Variants in TMPRSS2 observed in about 807,000 individuals in gnomAD.
TMPRSS2 encodes transmembrane serine protease 2.
A neutral mutation model predicts 67.4 loss-of-function variants in TMPRSS2; 59 were observed. The ratio of observed to expected loss-of-function variants is 0.88; its 90% CI spans 0.71 to 1.09. The LOEUF (loss-of-function observed/expected upper bound fraction) is 1.09, where lower values mean the gene tolerates loss of function less well. Ranked by LOEUF, TMPRSS2 falls within the 50% of genes least tolerant of loss-of-function variation. The probability of loss-of-function intolerance (pLI) is 0.00; values close to 1 mark genes in which losing one functional copy is unlikely to be tolerated. For synonymous variants in TMPRSS2, 257 were observed against 257.0 expected (o/e 1.00, Z 0.00); for missense variants, 668 against 642.7 (o/e 1.04, Z -0.43).
chr21:41,477,663 T>C (rs916832339), intron 7 of TMPRSS2, among the ~76,000 whole-genome samples: 5 of 152,030 alleles, frequency 3.3e-5, no homozygotes, highest in African/African-American at 1.2e-4. Flanking sequence ...GCATTCCAGG[T>C]GGACTCTGGC....
chr21:41,469,113 C>G (rs1445013063), intron 11 of TMPRSS2, among the ~76,000 whole-genome samples: 1 of 152,104 alleles, frequency 6.6e-6, no homozygotes, highest in Non-Finnish European at 1.5e-5. Flanking sequence ...CTCCGTCACA[C>G]CTTCTCCCAC....
Position 41,488,468 on chromosome 21 carries a change from C to A in TMPRSS2, c.371G>T (p.Gly124Val). 1 of 1,613,884 alleles carries A rather than the reference C, an allele frequency of 6.2e-7. No homozygotes were observed. The highest frequency in any genetic ancestry group is 8.5e-7 in the Non-Finnish European group (1 of 1,179,858). Residue 124 changes from glycine to valine, a missense_variant, in exon 5 of 14, where the codon GGT becomes GTT. Gly to Val is a moderately radical substitution (Grantham distance 109). Transcript: ENST00000332149. ...CCAGTTAGAGGGGTTGATGCAGGTA[C>A]CTGAGGAGTCGCACTCTATCCCAGA... ...SNSGIECDSS[G>V]TCINPSNWCD...
At chr21:41,508,046 C>A in intron 1 of TMPRSS2, 35 bp downstream of exon 1, 1 of 1,298,156 alleles carries the variant, frequency 7.7e-7, no homozygotes, top group Non-Finnish European at 9.8e-7. Context: ...CCAGCCCGGA[C>A]CCCGAGCCGG....
chr21:41,496,510 T>G (rs987990620), intron 2 of TMPRSS2, among the ~76,000 whole-genome samples: 1 of 152,234 alleles, frequency 6.6e-6, no homozygotes, highest in African/African-American at 2.4e-5. Context: ...TGGCCATACA[T>G]AAATGTGAAA....
At chr21:41,479,436 A>C (rs897700022) in intron 6 of TMPRSS2, among the ~76,000 whole-genome samples, 154 bp from the exon 7 acceptor site, 4 of 152,240 alleles carry the variant, frequency 2.6e-5, no homozygotes, top group Non-Finnish European at 4.4e-5. Flanking sequence ...CAAGTGCTAG[A>C]ATATTGTAAC....
rs780777218 is a variant in TMPRSS2, at chr21:41,494,368, C to A, written c.226G>T (p.Val76Leu). 4.3e-6 allele frequency: 7 copies of A among 1,611,020 alleles called. No homozygotes were observed. The highest frequency in any genetic ancestry group is 2.2e-5 in the South Asian group (2 of 90,444). The change falls in exon 3 of 14, where the codon GTG becomes TTG. Residue 76 changes from valine to leucine, a missense_variant. Coordinates refer to ENST00000332149, the MANE Select transcript of TMPRSS2 (RefSeq NM_005656.4). ...CTQPKSPSGTVCTSKTKKALC... is the reference protein window; with the variant it reads ...CTQPKSPSGTLCTSKTKKALC... ...AAGAGAATCCTACTTGAGGTGCACA[C>A]TGTCCCGGATGGGGATTTGGGCTGC...
intron 12 of TMPRSS2, 190 bp downstream of exon 12, chr21:41,468,206 A>C (rs554852594): frequency 1.5e-6 from 1 of 687,114 alleles, no homozygotes; most frequent in African/African-American, 1.8e-5. Flanking sequence ...GGTGTGTGTG[A>C]TTTGTTGACT....
chr21:41,505,735 T>C (rs924840837), intron 1 of TMPRSS2, among the ~76,000 whole-genome samples: 2 of 152,134 alleles, frequency 1.3e-5, no homozygotes, highest in Non-Finnish European at 2.9e-5. Context: ...CCAGCTTCCT[T>C]CCCTCCTTTC....
intron 4 of TMPRSS2, 41 bp from the exon 5 acceptor site, chr21:41,488,554 A>C: frequency 6.3e-7 from 1 of 1,585,518 alleles, no homozygotes; most frequent in Non-Finnish European, 8.6e-7. Context: ...TCAGGCTGAG[A>C]AACGCAATGA....
intron 11 of TMPRSS2, among the ~76,000 whole-genome samples, chr21:41,469,988 G>A (rs548748692): frequency 3.9e-5 from 6 of 152,194 alleles, no homozygotes; most frequent in African/African-American, 9.6e-5. Context: ...CTTCCCTGAC[G>A]CTCCCCAGAA....
In TMPRSS2 at chr21:41,464,788, G is replaced by A. The variant is rs975077386; in HGVS notation, c.*1354C>T. On this transcript the variant is annotated 3_prime_UTR_variant, in exon 14 of 14. Coordinates refer to ENST00000332149, the MANE Select transcript of TMPRSS2 (RefSeq NM_005656.4). ...CCTGGGAATGCTGCTCTCTACAGAG[G>A]CATGTGCACAGACAGATCCTGCAAA... 4.3e-6 allele frequency: 1 copy of A among 233,174 alleles called. No homozygotes were observed. Among genetic ancestry groups the A allele is most frequent in the Non-Finnish European group, 8.5e-6 (1 of 118,072 alleles). The allele number at this position is 233,174 out of a possible 1,614,324, so 14.4% of individuals were successfully genotyped here.
At chr21:41,493,186 C>T (rs1427921578) in intron 3 of TMPRSS2, among the ~76,000 whole-genome samples, 1 of 152,146 alleles carries the variant, frequency 6.6e-6, no homozygotes, top group East Asian at 1.9e-4. Context: ...TACCCAACCA[C>T]CCCCAGAAGA....
intron 3 of TMPRSS2, among the ~76,000 whole-genome samples, chr21:41,493,378 G>A (rs1397437541): frequency 6.6e-6 from 1 of 152,120 alleles, no homozygotes; most frequent in Non-Finnish European, 1.5e-5. Context: ...GTGAGAGGAG[G>A]GGTAGAAACG....
At chr21:41,472,695 G>T (rs1446005948) in intron 9 of TMPRSS2, among the ~76,000 whole-genome samples, 1 of 152,200 alleles carries the variant, frequency 6.6e-6, no homozygotes, top group Non-Finnish European at 1.5e-5. Flanking sequence ...AGGGCACGCA[G>T]CAAGAGAGGG....
chr21:41,483,768 T>C (rs2091275279), intron 5 of TMPRSS2, among the ~76,000 whole-genome samples: 1 of 147,764 alleles, frequency 6.8e-6, no homozygotes, highest in Non-Finnish European at 1.5e-5. Context: ...AGCTAGTCCT[T>C]TTTTTTTTTT....
rs189040987 is a variant in TMPRSS2 at position 41,490,406 on chromosome 21, G to C, written c.239-813C>G. 3.9e-5 allele frequency among the ~76,000 whole-genome samples: 6 copies of C among 152,294 alleles called. No individual in the cohort carries two copies. In the East Asian group the frequency reaches 1.2e-3, roughly 29 times the overall value. ...AGCTACATGTGGCTATTTAATTAAT[G>C]TCCCATGGAATTAAGTAAAATGATG... is the stretch of plus-strand genomic sequence containing the variant. On this transcript the variant is annotated intron_variant, in intron 3 of 13. Coordinates refer to ENST00000332149, the MANE Select transcript of TMPRSS2 (RefSeq NM_005656.4).
intron 7 of TMPRSS2, 87 bp downstream of exon 7, chr21:41,479,085 G>A: frequency 9.4e-7 from 1 of 1,058,460 alleles, no homozygotes; most frequent in Non-Finnish European, 1.4e-6. Flanking sequence ...TTGCAGCTCA[G>A]AGAAATCAGA....
chr21:41,489,084 C>T (rs1176269080), intron 4 of TMPRSS2, among the ~76,000 whole-genome samples: 1 of 152,258 alleles, frequency 6.6e-6, no homozygotes, highest in African/African-American at 2.4e-5. Context: ...CACGTCCTCT[C>T]TGCCACACAG....
At chr21:41,477,381 TCTC>T (rs1476761696) in intron 7 of TMPRSS2, among the ~76,000 whole-genome samples, 1 of 152,094 alleles carries the variant, frequency 6.6e-6, no homozygotes, top group Non-Finnish European at 1.5e-5. Flanking sequence ...CGATCTGATG[TCTC>T]CTCCTGTCCT....
Sources: allele counts gnomAD v4.1 joint callset (sites outside exome capture counted in the v4.1 genomes callset), GRCh38; gene constraint gnomAD v4.1.1; transcripts MANE v1.5; gene names NCBI Gene and HGNC (gene_info 2026-07-23, HGNC 2026-07-21).